The following ZNF638 variants were observed in gnomAD, a reference collection of about 807,000 sequenced individuals.
ZNF638 encodes the protein CTCL tumor antigen se33-1.
A neutral mutation model predicts 195.6 loss-of-function variants in ZNF638; 46 were observed. That is an observed-to-expected ratio of 0.24 (90% CI 0.19 to 0.30). The LOEUF is 0.30. ZNF638 is among the 10% of genes least tolerant of loss of function. The pLI is 1.00. For missense variants in ZNF638, 2,440 were observed against 2,325.3 expected, an observed-to-expected ratio of 1.05 and a Z score of -1.01; for synonymous variants, 845 against 772.0, an observed-to-expected ratio of 1.09 and a Z score of -1.57.
chr2:71,351,979 A>G (rs975511923), intron 2 of ZNF638, among the ~76,000 whole-genome samples: 15 of 152,222 alleles, frequency 9.9e-5, no homozygotes, highest in Admixed American at 5.9e-4. Context: ...TATTTTAACT[A>G]TTGTATTTGT....
intron 10 of ZNF638, among the ~76,000 whole-genome samples, chr2:71,391,355 A>G (rs2079773196): frequency 6.6e-6 from 1 of 152,244 alleles, no homozygotes; most frequent in East Asian, 1.9e-4. Flanking sequence ...GCTATCAGTA[A>G]TGAAAGGGCA....
At chr2:71,370,131 CATTA>C (rs1317653330) in intron 8 of ZNF638, 126 bp downstream of exon 8, 6 of 1,027,720 alleles carry the variant, frequency 5.8e-6, no homozygotes, top group African/African-American at 1.7e-5. Flanking sequence ...ATTATATGTG[CATTA>C]ATTCAAGTAT....
At chr2:71,388,247 G>T (rs2079685617) in intron 10 of ZNF638, among the ~76,000 whole-genome samples, 1 of 152,124 alleles carries the variant, frequency 6.6e-6, no homozygotes, top group Non-Finnish European at 1.5e-5. Context: ...GCAAGTAGTA[G>T]GTAACAAAGG....
rs548225541 is a variant in ZNF638, at chr2:71,365,509, G to T, written c.1798G>T (p.Ala600Ser). 5.6e-6 allele frequency: 9 copies of T among 1,614,094 alleles called. No homozygotes were observed. In the East Asian group the frequency reaches 1.8e-4, roughly 32 times the overall value. Residue 600 changes from alanine (A) to serine (S), a missense_variant, in exon 6 of 28, where the codon GCT (alanine) becomes TCT (serine). By Grantham distance (99) the Ala-to-Ser change is moderately conservative. Coordinates refer to ENST00000264447, the MANE Select transcript of ZNF638 (RefSeq NM_014497.5). ...TAATAAACAGAAGCATCTTGAAGCT[G>T]CTGATAAGGGACATTCACCAGCACA... ...EFNKQKHLEA[A>S]DKGHSPAQKP...
chr2:71,381,596 A>T (rs1350432105), intron 10 of ZNF638, among the ~76,000 whole-genome samples: 5 of 152,120 alleles, frequency 3.3e-5, no homozygotes, highest in African/African-American at 1.2e-4. Context: ...TCATGCTGAG[A>T]AGTTTTCAAA....
chr2:71,379,832 T>C (rs2079502591), intron 8 of ZNF638: 1 of 152,916 alleles, frequency 6.5e-6, no homozygotes, highest in South Asian at 2.1e-4. Flanking sequence ...ATTCCAATTT[T>C]AGTATATGTG....
intron 1 of ZNF638, among the ~76,000 whole-genome samples, chr2:71,346,906 C>T (rs902617216): frequency 5.3e-5 from 8 of 151,970 alleles, no homozygotes; most frequent in African/African-American, 1.9e-4. Flanking sequence ...TGCCTGTAAT[C>T]CCAGCTACTC....
intron 10 of ZNF638, among the ~76,000 whole-genome samples, chr2:71,392,585 T>C (rs572093733): frequency 2.2e-4 from 33 of 152,278 alleles, no homozygotes; most frequent in Non-Finnish European, 3.1e-4. Context: ...ATCACACATA[T>C]TCGAGCACAC....
chr2:71,380,479 A>G (rs1487392608), intron 9 of ZNF638, 34 bp from the exon 10 acceptor site: 1 of 1,560,858 alleles, frequency 6.4e-7, no homozygotes, highest in Admixed American at 2.0e-5. Context: ...TAGAATTCCT[A>G]AGTTGCTGCT....
rs1170610243 is a variant in ZNF638 at position 71,427,333 on chromosome 2, G to C, written c.5464G>C (p.Glu1822Gln). The C allele has an allele frequency of 6.8e-6, 11 of 1,608,988 alleles. No individual in the cohort carries two copies. The highest frequency in any genetic ancestry group is 9.3e-6 in the Non-Finnish European group (11 of 1,178,970). The change falls in exon 24 of 28, where the codon GAA becomes CAA. Residue 1822 changes from glutamate to glutamine, a missense_variant. By Grantham distance (29) the Glu-to-Gln change is conservative. This residue lies in a region of ZNF638 where 1,883 missense variants were observed against 1,739.1 expected (regional missense o/e 1.08). Coordinates refer to ENST00000264447, the MANE Select transcript of ZNF638 (RefSeq NM_014497.5). ...TGTGGACACAAAAAAGACAAAACTT[G>C]AATCCTTGTCCCAAGTGGGTCCAGT... ...RAVDTKKTKL[E>Q]SLSQVGPVNE...
rs529882622 is a variant in ZNF638 at position 71,392,171 on chromosome 2, C to A, written c.2378-3970C>A. ...CATCTCTAGATTTTCAATTAGCACT[C>A]TTTGATTATGCAGGCCATATAAAAT... On this transcript the variant is annotated intron_variant, in intron 10 of 27. Coordinates refer to ENST00000264447, the MANE Select transcript of ZNF638 (RefSeq NM_014497.5). 2.6e-5 allele frequency among the ~76,000 whole-genome samples: 4 copies of A among 152,336 alleles called. No individual in the cohort carries two copies. In the South Asian group the frequency reaches 8.3e-4, roughly 32 times the overall value.
chr2:71,426,101 T>C (rs915662467), intron 23 of ZNF638, among the ~76,000 whole-genome samples: 3 of 152,260 alleles, frequency 2.0e-5, no homozygotes, highest in East Asian at 1.9e-4. Flanking sequence ...AGAGCACTTA[T>C]TAGATGTTTG....
At chr2:71,389,870 A>G (rs2079734543) in intron 10 of ZNF638, among the ~76,000 whole-genome samples, 1 of 152,202 alleles carries the variant, frequency 6.6e-6, no homozygotes, top group Non-Finnish European at 1.5e-5. Context: ...ACTGCCAACA[A>G]GCAATGCAGG....
intron 4 of ZNF638, 27 bp downstream of exon 4, chr2:71,363,218 T>A (rs774663208): frequency 6.8e-7 from 1 of 1,480,862 alleles, no homozygotes; most frequent in South Asian, 1.2e-5. Flanking sequence ...GTAATATTAT[T>A]AAAACCTGAT....
In ZNF638 at chr2:71,355,792, T is replaced by G. The variant is rs767726167; in HGVS notation, c.1379+12T>G. On this transcript the variant is annotated intron_variant, in intron 3 of 27. Transcript: ENST00000264447. ...CAGTTACGTCAACAGTAAGAATATA[T>G]TTTTCCTTTATTATAGATAGCATAT... is the stretch of plus-strand genomic sequence containing the variant. 1 of 1,544,102 alleles carries G rather than the reference T, an allele frequency of 6.5e-7. No individual in the cohort carries two copies. Among genetic ancestry groups the G allele is most frequent in the Non-Finnish European group, 8.8e-7 (1 of 1,130,914 alleles).
intron 10 of ZNF638, chr2:71,393,709 A>G: frequency 1.5e-6 from 1 of 687,170 alleles, no homozygotes; most frequent in Non-Finnish European, 2.7e-6. Flanking sequence ...CGTACCGGCT[A>G]CACTCTATTG....
At chr2:71,333,565 T>A (rs1365365171) in intron 1 of ZNF638, among the ~76,000 whole-genome samples, 1 of 152,236 alleles carries the variant, frequency 6.6e-6, no homozygotes, top group Non-Finnish European at 1.5e-5. Context: ...CTTGACTATC[T>A]TAGGGTTTTT....
chr2:71,382,048 A>G (rs758695852), intron 10 of ZNF638, among the ~76,000 whole-genome samples: 15 of 152,146 alleles, frequency 9.9e-5, no homozygotes, highest in African/African-American at 3.1e-4. Context: ...TTTGCATTTT[A>G]TTATATGGAA....
chr2:71,419,742 C>T (rs1016655144), intron 21 of ZNF638, among the ~76,000 whole-genome samples: 1 of 152,000 alleles, frequency 6.6e-6, no homozygotes, highest in Non-Finnish European at 1.5e-5. Flanking sequence ...AGATTGGCCA[C>T]GTTAACTCTG....
Sources: allele counts gnomAD v4.1 joint callset (sites outside exome capture counted in the v4.1 genomes callset), GRCh38; gene constraint gnomAD v4.1.1; regional missense constraint gnomAD v4.1.1; transcripts MANE v1.5; gene names NCBI Gene and HGNC (gene_info 2026-07-23, HGNC 2026-07-21).